Variants in DMD observed in about 807,000 individuals in gnomAD.
The protein encoded by DMD is dystrophin.
In DMD, 63 loss-of-function variants were observed where a neutral mutation model predicts 330.1. The ratio of observed to expected loss-of-function variants is 0.19; its 90% confidence interval spans 0.16 to 0.24. The LOEUF is 0.24. Among genes scored for constraint, DMD ranks in the 10% least tolerant of loss-of-function variants. DMD has a pLI of 1.00. For missense variants in DMD, 3,344 were observed against 2,684.1 expected, an observed-to-expected ratio of 1.25 and a Z score of -5.43; for synonymous variants, 1,223 against 959.8, an observed-to-expected ratio of 1.27 and a Z score of -5.07.
At chrX:32,183,553 AAT>A (rs988760643) in intron 44 of DMD, among the ~76,000 whole-genome samples, 20 of 83,973 alleles carry the variant, frequency 2.4e-4, no homozygotes, top group Admixed American at 4.1e-4. Context: ...CAGCTACACA[AAT>A]ATATATATAT....
intron 12 of DMD, among the ~76,000 whole-genome samples, chrX:32,598,341 C>CT (rs1344939693): frequency 1.9e-4 from 21 of 111,325 alleles, no homozygotes; most frequent in Non-Finnish European, 4.0e-4. Context: ...CAGAGTTGTC[C>CT]TTGACAGTCA....
At chrX:32,405,229 C>T (rs190270262) in intron 30 of DMD, among the ~76,000 whole-genome samples, 13 of 111,414 alleles carry the variant, frequency 1.2e-4, no homozygotes, top group Non-Finnish European at 1.7e-4. Context: ...TTGATTGCTC[C>T]GGGGCTCAGC....
At chrX:32,523,974 C>T (rs1448586833) in intron 17 of DMD, among the ~76,000 whole-genome samples, 6 of 105,588 alleles carry the variant, frequency 5.7e-5, no homozygotes, top group Non-Finnish European at 1.2e-4. Context: ...GCTCTGTCAC[C>T]CAGCCTGGAG....
chrX:31,222,021 C>T (rs1480047325), intron 64 of DMD, among the ~76,000 whole-genome samples: 8 of 110,689 alleles, frequency 7.2e-5, no homozygotes, highest in East Asian at 2.8e-4. Flanking sequence ...TGAAACCCCG[C>T]CTCTACTAAA....
intron 48 of DMD, among the ~76,000 whole-genome samples, chrX:31,862,488 A>G (rs2093723800): frequency 8.9e-6 from 1 of 111,757 alleles, no homozygotes; most frequent in Non-Finnish European, 1.9e-5. Context: ...CAACTTTGTA[A>G]TAATTAACCC....
intron 11 of DMD, among the ~76,000 whole-genome samples, chrX:32,634,495 A>ACT (rs1463498291): frequency 8.9e-6 from 1 of 112,204 alleles, no homozygotes; most frequent in African/African-American, 3.2e-5. Context: ...CACAGCAAGT[A>ACT]CTGCCTGGCT....
chrX:33,045,524 C>T (rs1262217578), intron 1 of DMD, among the ~76,000 whole-genome samples: 2 of 110,746 alleles, frequency 1.8e-5, no homozygotes, highest in African/African-American at 3.3e-5. Flanking sequence ...ATGATTCTGG[C>T]ATAAACAGAT....
At chrX:32,846,940 G>C (rs1023691673) in intron 3 of DMD, among the ~76,000 whole-genome samples, 1 of 109,415 alleles carries the variant, frequency 9.1e-6, no homozygotes, top group Non-Finnish European at 1.9e-5. Context: ...CCAGGAGGCA[G>C]AGGTTGCAGT....
chrX:31,719,149 C>G (rs17330041), intron 52 of DMD, among the ~76,000 whole-genome samples: 15,243 of 111,171 alleles, frequency 0.14, 899 homozygotes, highest in Admixed American at 0.31. Flanking sequence ...GAAAAAAGCT[C>G]CTGTTTGTTT....
At chrX:32,320,671 T>C (rs2097608534) in intron 41 of DMD, among the ~76,000 whole-genome samples, 1 of 112,079 alleles carries the variant, frequency 8.9e-6, no homozygotes, top group Non-Finnish European at 1.9e-5. Flanking sequence ...TAGTACTTAA[T>C]GTGGTTAAAG....
chrX:33,028,234 C>T (rs111785327), intron 1 of DMD, among the ~76,000 whole-genome samples: 2,596 of 111,305 alleles, frequency 0.023, 82 homozygotes, highest in African/African-American at 0.08. Context: ...GATGTGTTTA[C>T]GGGGTAGTAT....
intron 55 of DMD, among the ~76,000 whole-genome samples, chrX:31,618,899 T>C (rs1039340422): frequency 6.3e-5 from 7 of 110,354 alleles, no homozygotes; most frequent in African/African-American, 2.3e-4. Context: ...CAGAAAAAAA[T>C]TGATATCCAT....
chrX:31,344,109 C>T, intron 61 of DMD, among the ~76,000 whole-genome samples: 1 of 108,644 alleles, frequency 9.2e-6, no homozygotes, highest in Admixed American at 9.9e-5. Context: ...CCTCAGTTTC[C>T]CAAAGAATTG....
intron 2 of DMD, among the ~76,000 whole-genome samples, chrX:32,993,432 C>T (rs1032766728): frequency 9.1e-6 from 1 of 109,710 alleles, no homozygotes; most frequent in Non-Finnish European, 1.9e-5. Flanking sequence ...GGTGAAACCC[C>T]GTCTCTACTA....
chrX:32,626,162 T>A, intron 11 of DMD, among the ~76,000 whole-genome samples: 1 of 112,202 alleles, frequency 8.9e-6, no homozygotes, highest in Middle Eastern at 4.6e-3. Flanking sequence ...GGAATTGATT[T>A]ATTTACTTAT....
chrX:32,885,843 A>AAAC (rs1569539070), intron 2 of DMD, among the ~76,000 whole-genome samples: 1 of 108,383 alleles, frequency 9.2e-6, no homozygotes, highest in Non-Finnish European at 1.9e-5. Context: ...AAAAAAAAAA[A>AAAC]AAAAAACCTT....
intron 45 of DMD, among the ~76,000 whole-genome samples, chrX:31,948,991 A>G (rs748360370): frequency 2.7e-5 from 3 of 111,813 alleles, no homozygotes; most frequent in Non-Finnish European, 5.7e-5. Context: ...TGTCCTTATG[A>G]CAGTACCACA....
At chrX:33,197,254 C>T (rs1431356136) in intron 1 of DMD, among the ~76,000 whole-genome samples, 1 of 112,065 alleles carries the variant, frequency 8.9e-6, no homozygotes, top group Non-Finnish European at 1.9e-5. Context: ...ATTTTGCAAT[C>T]ATTATAGACT....
chrX:33,184,987 G>A (rs544595501), intron 1 of DMD, among the ~76,000 whole-genome samples: 130 of 110,231 alleles, frequency 1.2e-3, no homozygotes, highest in African/African-American at 4.3e-3. Context: ...CTCCCAAAGT[G>A]CTGGGATTAC....
Sources: gnomAD v4.1 joint callset for allele counts (sites outside exome capture counted in the v4.1 genomes callset) on GRCh38, gnomAD v4.1.1 for gene constraint, MANE v1.5 for transcripts, NCBI Gene and HGNC (gene_info 2026-07-23, HGNC 2026-07-21) for gene names.